MBOAT2: variants seen among roughly 807,000 people sequenced by gnomAD.
MBOAT2 encodes membrane-bound glycerophospholipid O-acyltransferase 2.
A neutral mutation model predicts 63.4 loss-of-function variants in MBOAT2; 28 were observed. That is an observed-to-expected ratio of 0.44 (90% confidence interval 0.33 to 0.61). The LOEUF (loss-of-function observed/expected upper bound fraction) is 0.61. MBOAT2 is among the 20% of genes least tolerant of loss of function. MBOAT2 has a pLI of 0.03. For synonymous variants in MBOAT2, 211 were observed against 215.6 expected, an observed-to-expected ratio of 0.98 and a Z score of 0.19; for missense variants, 470 against 605.8, an observed-to-expected ratio of 0.78 and a Z score of 2.35.
intron 1 of MBOAT2, among the ~76,000 whole-genome samples, chr2:8,963,598 C>T (rs1343132724): frequency 6.6e-6 from 1 of 152,130 alleles, no homozygotes; most frequent in Non-Finnish European, 1.5e-5. Context: ...CCACCACACC[C>T]AACCTGAAAC....
chr2:8,951,207 C>A (rs1196677738), intron 2 of MBOAT2, among the ~76,000 whole-genome samples: 1 of 138,654 alleles, frequency 7.2e-6, no homozygotes, highest in Non-Finnish European at 1.6e-5. Context: ...CTGGTACCAG[C>A]TTTTTTTTTT....
intron 1 of MBOAT2, among the ~76,000 whole-genome samples, chr2:8,984,699 C>A (rs750373297): frequency 6.6e-6 from 1 of 152,136 alleles, no homozygotes; most frequent in Non-Finnish European, 1.5e-5. Flanking sequence ...ACCATAAATT[C>A]TTCCAATATT....
chr2:8,995,548 T>C (rs572217419), intron 1 of MBOAT2, among the ~76,000 whole-genome samples: 68 of 152,318 alleles, frequency 4.5e-4, no homozygotes, highest in African/African-American at 1.6e-3. Flanking sequence ...GGCGAGTACA[T>C]GTTAATGTGT....
chr2:8,912,317 AAG>A (rs1558606379), intron 3 of MBOAT2, among the ~76,000 whole-genome samples: 1 of 102,282 alleles, frequency 9.8e-6, no homozygotes, highest in African/African-American at 4.0e-5. Flanking sequence ...GAAAGAAAGA[AAG>A]AAAGAAAGAA....
At chr2:9,000,866 TAA>T (rs1414122398) in intron 1 of MBOAT2, among the ~76,000 whole-genome samples, 1 of 152,252 alleles carries the variant, frequency 6.6e-6, no homozygotes, top group Admixed American at 6.5e-5. Context: ...TTTACTTTAT[TAA>T]GTTTTTAATT....
chr2:8,936,786 C>CAAAAAAAAAAAAAA (rs745694357), intron 3 of MBOAT2, among the ~76,000 whole-genome samples: 2 of 56,382 alleles, frequency 3.5e-5, no homozygotes, highest in Admixed American at 2.2e-4. Context: ...GACTCCGTCT[C>CAAAAAAAAAAAAAA]AAAAAAAAAA....
intron 2 of MBOAT2, among the ~76,000 whole-genome samples, chr2:8,954,467 G>C (rs1669066978): frequency 6.6e-6 from 1 of 152,148 alleles, no homozygotes; most frequent in South Asian, 2.1e-4. Flanking sequence ...GGCAGGCACA[G>C]ACACTAGCGC....
chr2:8,882,695 T>C lies in MBOAT2; in HGVS notation c.452-130A>G, dbSNP rs750845700. ...ATATTCCTAATTTTGATATAATGAC[T>C]GTTCCTTTCCTTCTCATGGCAACAC... is the stretch of plus-strand genomic sequence containing the variant. On this transcript the variant is annotated intron_variant, in intron 5 of 12. Coordinates refer to ENST00000305997, the MANE Select transcript of MBOAT2 (RefSeq NM_138799.4). 4 of 802,900 alleles carry C rather than the reference T, an allele frequency of 5.0e-6. No individual in the cohort carries two copies. In the Admixed American group the frequency reaches 8.3e-5, roughly 17 times the overall value. The allele number at this position is 802,900 out of a possible 1,614,324, so 49.7% of individuals were successfully genotyped here. A position where few individuals can be genotyped will look rare whatever the true frequency, so the allele number is the denominator to read the frequency against.
intron 6 of MBOAT2, among the ~76,000 whole-genome samples, chr2:8,878,178 G>C (rs923320975): frequency 6.6e-6 from 1 of 152,142 alleles, no homozygotes; most frequent in African/African-American, 2.4e-5. Context: ...GGAGAAAAGG[G>C]AGTCAAGTCA....
intron 3 of MBOAT2, among the ~76,000 whole-genome samples, chr2:8,938,776 GTGTTTCATGCTGCCA>G (rs1192569565): frequency 2.0e-5 from 3 of 151,932 alleles, no homozygotes; most frequent in Non-Finnish European, 4.4e-5. Flanking sequence ...TCATGCCACC[GTGTTTCATGCTGCCA>G]TGTTTCATGC....
intron 1 of MBOAT2, among the ~76,000 whole-genome samples, chr2:8,974,176 T>C (rs1670658447): frequency 6.6e-6 from 1 of 152,152 alleles, no homozygotes; most frequent in Non-Finnish European, 1.5e-5. Context: ...TCATGTGTTT[T>C]AAGAAAAGCT....
At chr2:8,876,083 G>A (rs1363939050) in intron 7 of MBOAT2, among the ~76,000 whole-genome samples, 6 of 152,082 alleles carry the variant, frequency 3.9e-5, no homozygotes, top group Admixed American at 6.6e-5. Flanking sequence ...CTTCCTGATT[G>A]GCCTATTCTT....
intron 3 of MBOAT2, among the ~76,000 whole-genome samples, chr2:8,932,134 C>T (rs562081287): frequency 6.6e-6 from 1 of 152,070 alleles, no homozygotes; most frequent in Non-Finnish European, 1.5e-5. Flanking sequence ...AAGCTAGCAA[C>T]AAGTAGGAGG....
chr2:8,977,690 C>T (rs564416382), intron 1 of MBOAT2, among the ~76,000 whole-genome samples: 1 of 152,238 alleles, frequency 6.6e-6, no homozygotes, highest in South Asian at 2.1e-4. Context: ...GAACTTCAGA[C>T]ATTTATTCGG....
intron 3 of MBOAT2, among the ~76,000 whole-genome samples, chr2:8,912,351 G>GAAAA (rs1553362293): frequency 2.9e-5 from 2 of 69,942 alleles, no homozygotes; most frequent in African/African-American, 6.0e-5. Flanking sequence ...AAGAAAGAAA[G>GAAAA]AGAAAGAAAG....
intron 9 of MBOAT2, among the ~76,000 whole-genome samples, chr2:8,867,031 C>T (rs543931210): frequency 6.0e-4 from 91 of 152,238 alleles, no homozygotes; most frequent in Middle Eastern, 6.8e-3. Context: ...TGGAATGATC[C>T]TTTTCGCAGG....
intron 4 of MBOAT2, among the ~76,000 whole-genome samples, chr2:8,891,998 G>C (rs1664038174): frequency 6.6e-6 from 1 of 152,162 alleles, no homozygotes; most frequent in African/African-American, 2.4e-5. Context: ...CAGACTTTCT[G>C]AAATAAAACA....
intron 1 of MBOAT2, among the ~76,000 whole-genome samples, chr2:8,965,127 G>A (rs531908726): frequency 2.6e-5 from 4 of 152,174 alleles, no homozygotes; most frequent in East Asian, 1.9e-4. Context: ...ACATGGACAC[G>A]CATCAATGTA....
intron 2 of MBOAT2, 48 bp from the exon 3 acceptor site, chr2:8,943,312 C>T (rs1437681087): frequency 1.7e-6 from 2 of 1,171,404 alleles, no homozygotes. Flanking sequence ...AAGTCACAAA[C>T]ATCAAGCTGA....
Sources: allele counts gnomAD v4.1 joint callset (sites outside exome capture counted in the v4.1 genomes callset), GRCh38; gene constraint gnomAD v4.1.1; transcripts MANE v1.5; gene names NCBI Gene and HGNC (gene_info 2026-07-23, HGNC 2026-07-21).